Variants in MAP2 observed in about 807,000 individuals in gnomAD.
The protein encoded by MAP2 is microtubule associated protein 2.
In MAP2, 14 loss-of-function variants were observed where a neutral mutation model predicts 137.6. The observed-to-expected ratio is 0.10, with a 90% CI of 0.07 to 0.16. The LOEUF (loss-of-function observed/expected upper bound fraction) is 0.16. Among genes scored for constraint, MAP2 ranks in the 10% least tolerant of loss-of-function variants. The pLI is 1.00. For synonymous variants in MAP2, 786 were observed against 782.3 expected, an observed-to-expected ratio of 1.00 and a Z score of -0.08; for missense variants, 2,088 against 2,191.5, an observed-to-expected ratio of 0.95 and a Z score of 0.94.
intron 2 of MAP2, among the ~76,000 whole-genome samples, chr2:209,510,000 G>C (rs912534238): frequency 1.3e-5 from 2 of 148,662 alleles, no homozygotes; most frequent in East Asian, 2.0e-4. Flanking sequence ...ATTTAGACTG[G>C]AAACGTGTTT....
chr2:209,526,522 G>A (rs531613145), intron 2 of MAP2, among the ~76,000 whole-genome samples: 3 of 148,916 alleles, frequency 2.0e-5, no homozygotes, highest in South Asian at 4.3e-4. Flanking sequence ...TTTTTTTAAA[G>A]AGCACTCTAG....
At chr2:209,514,297 C>T (rs996354071) in intron 2 of MAP2, among the ~76,000 whole-genome samples, 10 of 151,908 alleles carry the variant, frequency 6.6e-5, no homozygotes, top group African/African-American at 2.4e-4. Context: ...ATAATTATTG[C>T]AGCTTCAAAT....
At chr2:209,661,633 A>C in intron 5 of MAP2, 1 of 985,502 alleles carries the variant, frequency 1.0e-6, no homozygotes, top group Non-Finnish European at 1.2e-6. Flanking sequence ...CCGGGGCTAG[A>C]AAGAGTGAGA....
chr2:209,658,925 G>C (rs1361847362), intron 5 of MAP2, among the ~76,000 whole-genome samples: 1 of 152,136 alleles, frequency 6.6e-6, no homozygotes, highest in Admixed American at 6.6e-5. Context: ...CTGCCATAGT[G>C]CTCTTCAGTT....
intron 1 of MAP2, among the ~76,000 whole-genome samples, chr2:209,490,508 G>A (rs549270733): frequency 1.6e-4 from 23 of 148,328 alleles, no homozygotes; most frequent in South Asian, 6.5e-4. Context: ...GTCAAGACCC[G>A]CTGGTGTGCT....
At chr2:209,576,890 A>G (rs1192655209) in intron 2 of MAP2, among the ~76,000 whole-genome samples, 1 of 152,250 alleles carries the variant, frequency 6.6e-6, no homozygotes, top group Non-Finnish European at 1.5e-5. Context: ...CAATTGGGAA[A>G]AAAAGAAAAG....
At chr2:209,514,849 C>T (rs1405290158) in intron 2 of MAP2, among the ~76,000 whole-genome samples, 2 of 151,978 alleles carry the variant, frequency 1.3e-5, no homozygotes, top group African/African-American at 2.4e-5. Flanking sequence ...ATATGACATA[C>T]AATACACACA....
chr2:209,508,178 A>C (rs951723358), intron 2 of MAP2, among the ~76,000 whole-genome samples: 3 of 152,062 alleles, frequency 2.0e-5, no homozygotes, highest in African/African-American at 7.2e-5. Flanking sequence ...AAACTAGCTT[A>C]ACTGAGTTTA....
chr2:209,510,151 A>G (rs1000018228), intron 2 of MAP2, among the ~76,000 whole-genome samples: 3 of 151,616 alleles, frequency 2.0e-5, no homozygotes, highest in African/African-American at 7.3e-5. Context: ...GGTTTTTCTG[A>G]TCTACTTCTT....
At chr2:209,536,296 C>T (rs2065935716) in intron 2 of MAP2, among the ~76,000 whole-genome samples, 1 of 152,166 alleles carries the variant, frequency 6.6e-6, no homozygotes, top group African/African-American at 2.4e-5. Context: ...ATTGTTCCAG[C>T]TATCAGTATA....
intron 1 of MAP2, among the ~76,000 whole-genome samples, chr2:209,485,123 G>A (rs571476591): frequency 5.3e-5 from 8 of 152,306 alleles, no homozygotes; most frequent in African/African-American, 1.9e-4. Flanking sequence ...TTCATCAAAT[G>A]CTGAGTCCTC....
intron 5 of MAP2, among the ~76,000 whole-genome samples, chr2:209,665,648 C>A (rs536091463): frequency 3.3e-5 from 5 of 152,136 alleles, no homozygotes; most frequent in Non-Finnish European, 7.4e-5. Flanking sequence ...CAAATGTCAC[C>A]AATGCCCTTT....
At chr2:209,434,231 C>T (rs1318256752) in intron 1 of MAP2, among the ~76,000 whole-genome samples, 1 of 151,966 alleles carries the variant, frequency 6.6e-6, no homozygotes, top group East Asian at 1.9e-4. Context: ...ATACACTTTG[C>T]AGACATTTGA....
At chr2:209,509,633 A>G (rs2061489967) in intron 2 of MAP2, among the ~76,000 whole-genome samples, 1 of 152,086 alleles carries the variant, frequency 6.6e-6, no homozygotes. Flanking sequence ...AAGTTATCAA[A>G]ACAGAATATA....
At chr2:209,625,831 T>A (rs1237231436) in intron 4 of MAP2, among the ~76,000 whole-genome samples, 1 of 152,184 alleles carries the variant, frequency 6.6e-6, no homozygotes, top group Non-Finnish European at 1.5e-5. Flanking sequence ...AATTTTTGCA[T>A]GAGTAAATAA....
chr2:209,647,077 G>A (rs543614668), intron 4 of MAP2, among the ~76,000 whole-genome samples: 3 of 152,234 alleles, frequency 2.0e-5, no homozygotes, highest in Non-Finnish European at 4.4e-5. Flanking sequence ...GGGGGAGCAA[G>A]CACCTCACAT....
intron 2 of MAP2, among the ~76,000 whole-genome samples, chr2:209,554,064 C>G (rs2069889971): frequency 6.6e-6 from 1 of 152,168 alleles, no homozygotes; most frequent in Admixed American, 6.5e-5. Context: ...GTTCAAGATA[C>G]CTGTTTCACA....
intron 5 of MAP2, among the ~76,000 whole-genome samples, chr2:209,671,566 G>T (rs971894441): frequency 1.3e-5 from 2 of 151,832 alleles, no homozygotes; most frequent in Non-Finnish European, 2.9e-5. Context: ...GGAGCATTCT[G>T]TCTAAAATTG....
At chr2:209,518,950 T>C (rs1198205049) in intron 2 of MAP2, among the ~76,000 whole-genome samples, 1 of 152,116 alleles carries the variant, frequency 6.6e-6, no homozygotes, top group Non-Finnish European at 1.5e-5. Flanking sequence ...TTTATCTCCT[T>C]ATTTAAATTT....
Sources: gnomAD v4.1 joint callset for allele counts (sites outside exome capture counted in the v4.1 genomes callset) on GRCh38, gnomAD v4.1.1 for gene constraint, MANE v1.5 for transcripts, NCBI Gene and HGNC (gene_info 2026-07-23, HGNC 2026-07-21) for gene names.